SDK1: variants seen among roughly 807,000 people sequenced by gnomAD.
SDK1 encodes protein sidekick-1.
A neutral mutation model predicts 245.5 loss-of-function variants in SDK1; 157 were observed. The ratio of observed to expected loss-of-function variants is 0.64; its 90% CI spans 0.56 to 0.73. SDK1 has a LOEUF of 0.73. Ranked by LOEUF, SDK1 falls within the 30% of genes least tolerant of loss-of-function variation. The pLI, the probability that SDK1 is intolerant of heterozygous loss-of-function variation, is 0.00. For synonymous variants in SDK1, 1,647 were observed against 1,278.5 expected (o/e 1.29, Z -6.15); for missense variants, 3,583 against 3,002.3 (o/e 1.19, Z -4.52).
chr7:3,537,175 A>G (rs1009120575), intron 1 of SDK1, among the ~76,000 whole-genome samples: 1 of 152,234 alleles, frequency 6.6e-6, no homozygotes, highest in Non-Finnish European at 1.5e-5. Context: ...GATACCTATC[A>G]TCATGGATTA....
At chr7:3,517,990 G>A (rs1206540223) in intron 1 of SDK1, among the ~76,000 whole-genome samples, 11 of 152,100 alleles carry the variant, frequency 7.2e-5, no homozygotes, top group Non-Finnish European at 1.5e-5. Context: ...CTTTAGTGGA[G>A]AAGCTTACCA....
chr7:3,826,136 GAACT>G (rs1779768882), intron 5 of SDK1, among the ~76,000 whole-genome samples: 1 of 152,180 alleles, frequency 6.6e-6, no homozygotes, highest in Admixed American at 6.5e-5. Flanking sequence ...GTGTTGGACA[GAACT>G]AAGTCTAGGC....
At position 3,891,257 on chromosome 7, in the gene SDK1, C is replaced by T. The variant is rs574650334; in HGVS notation, c.848-59666C>T. On this transcript the variant is annotated intron_variant, in intron 5 of 44. Transcript: ENST00000404826. ...CTGGGAGTAGGGGGTGTCGATTGGG[C>T]CTCAGTCGTGCTCCCGGGGAGGACT... Among the ~76,000 whole-genome samples, 16 of 152,194 alleles carry T rather than the reference C, an allele frequency of 1.1e-4. No individual in the cohort carries two copies. In the South Asian group the frequency reaches 3.3e-3, roughly 32 times the overall value.
chr7:3,529,125 A>G (rs1783255113), intron 1 of SDK1, among the ~76,000 whole-genome samples: 1 of 152,320 alleles, frequency 6.6e-6, no homozygotes, highest in African/African-American at 2.4e-5. Context: ...GATTAAAAAG[A>G]ACCTTGAGGT....
At chr7:3,821,824 T>TA (rs149976390) in intron 5 of SDK1, among the ~76,000 whole-genome samples, 1,706 of 148,982 alleles carry the variant, frequency 0.011, 27 homozygotes, top group African/African-American at 0.04. Context: ...TTTTGGGAAT[T>TA]AAAAAAAAAA....
intron 30 of SDK1, among the ~76,000 whole-genome samples, chr7:4,156,394 C>T (rs1365047411): frequency 1.3e-5 from 2 of 152,186 alleles, no homozygotes; most frequent in Non-Finnish European, 2.9e-5. Flanking sequence ...TTTTTATGGT[C>T]GGACTTCAGA....
chr7:3,390,053 C>T (rs752266862), intron 1 of SDK1, among the ~76,000 whole-genome samples: 6 of 152,136 alleles, frequency 3.9e-5, no homozygotes, highest in Non-Finnish European at 8.8e-5. Context: ...TGTCTTAGAG[C>T]TCTACGGAAA....
chr7:3,595,071 C>T lies in SDK1; in HGVS notation c.299-24009C>T, dbSNP rs79645699. Among the ~76,000 whole-genome samples, 463 of 152,174 alleles carry T rather than the reference C, an allele frequency of 3.0e-3. 4 individuals carry two copies. The highest frequency in any genetic ancestry group is 0.011 in the African/African-American group (453 of 41,520). On this transcript the variant is annotated intron_variant, in intron 1 of 44. Coordinates refer to ENST00000404826, the MANE Select transcript of SDK1 (RefSeq NM_152744.4). ...ACCCTTGTTGCCACCACAGTGAGTT[C>T]CAATTTGATTTCAGCAACGCGTAGA...
chr7:4,128,988 G>C (rs1399590469), intron 26 of SDK1, among the ~76,000 whole-genome samples: 1 of 144,184 alleles, frequency 6.9e-6, no homozygotes, highest in African/African-American at 2.6e-5. Flanking sequence ...GAGCAGCTTG[G>C]GGTGGGGTGC....
intron 1 of SDK1, among the ~76,000 whole-genome samples, chr7:3,443,407 A>G (rs1434132880): frequency 6.6e-6 from 1 of 152,216 alleles, no homozygotes; most frequent in Non-Finnish European, 1.5e-5. Context: ...CTAGAATCCA[A>G]ATTCAAGAGT....
chr7:4,184,689 C>T (rs1362731471), intron 35 of SDK1, among the ~76,000 whole-genome samples: 3 of 152,194 alleles, frequency 2.0e-5, no homozygotes, highest in Admixed American at 6.5e-5. Context: ...GATGCACAAG[C>T]CCAGGCACTA....
chr7:4,087,196 C>A (rs999926349), intron 22 of SDK1, among the ~76,000 whole-genome samples: 4 of 152,150 alleles, frequency 2.6e-5, no homozygotes, highest in Admixed American at 6.5e-5. Flanking sequence ...GGAACTGGTT[C>A]TTGTATATGG....
intron 1 of SDK1, among the ~76,000 whole-genome samples, chr7:3,544,233 C>T (rs1779146285): frequency 6.6e-6 from 1 of 152,186 alleles, no homozygotes; most frequent in Admixed American, 6.5e-5. Flanking sequence ...CATATGTATC[C>T]ATCTTGGTTC....
At chr7:3,974,287 C>G (rs967890520) in intron 12 of SDK1, 82 bp from the exon 13 acceptor site, 1 of 1,207,346 alleles carries the variant, frequency 8.3e-7, no homozygotes, top group Non-Finnish European at 1.2e-6. Context: ...TTGTTAGTTG[C>G]TTGCTTTTTA....
intron 1 of SDK1, among the ~76,000 whole-genome samples, chr7:3,432,220 A>G (rs1779872710): frequency 6.6e-6 from 1 of 151,490 alleles, no homozygotes; most frequent in Non-Finnish European, 1.5e-5. Flanking sequence ...TTCCAGGTTA[A>G]GAATGACATT....
intron 1 of SDK1, among the ~76,000 whole-genome samples, chr7:3,542,636 A>C (rs994132802): frequency 1.3e-5 from 2 of 152,220 alleles, no homozygotes; most frequent in Admixed American, 1.3e-4. Flanking sequence ...AATGTTTTAA[A>C]ATGTTAAAAA....
chr7:4,209,913 G>A, intron 37 of SDK1, 112 bp from the exon 38 acceptor site: 1 of 1,043,658 alleles, frequency 9.6e-7, no homozygotes, highest in Non-Finnish European at 1.3e-6. Context: ...CTTTTACTGA[G>A]TTGAAAATAA....
At chr7:3,720,705 G>C (rs932458253) in intron 4 of SDK1, among the ~76,000 whole-genome samples, 1 of 152,164 alleles carries the variant, frequency 6.6e-6, no homozygotes, top group South Asian at 2.1e-4. Context: ...TGTGACCCAT[G>C]GGTGCTTACT....
At chr7:3,792,002 C>T (rs1781108678) in intron 4 of SDK1, among the ~76,000 whole-genome samples, 1 of 152,028 alleles carries the variant, frequency 6.6e-6, no homozygotes, top group African/African-American at 2.4e-5. Flanking sequence ...GTGGTTCATG[C>T]CTGTAGTCCC....
Sources: allele counts gnomAD v4.1 joint callset (sites outside exome capture counted in the v4.1 genomes callset), GRCh38; gene constraint gnomAD v4.1.1; transcripts MANE v1.5; gene names NCBI Gene and HGNC (gene_info 2026-07-23, HGNC 2026-07-21).